GRM8: variants seen among roughly 807,000 people sequenced by gnomAD.
GRM8 encodes glutamate metabotropic receptor 8.
In GRM8, 47 loss-of-function variants were observed where a neutral mutation model predicts 87.2. The ratio of observed to expected loss-of-function variants is 0.54; its 90% CI spans 0.43 to 0.69. The LOEUF is 0.69. Among genes scored for constraint, GRM8 ranks in the 30% least tolerant of loss-of-function variants. The pLI, the probability that GRM8 is intolerant of heterozygous loss-of-function variation, is 0.00. For missense variants in GRM8, 1,019 were observed against 1,139.2 expected (o/e 0.89, Z 1.52); for synonymous variants, 396 against 404.5 (o/e 0.98, Z 0.25).
intron 3 of GRM8, among the ~76,000 whole-genome samples, chr7:127,005,019 G>C (rs1450262940): frequency 6.6e-6 from 1 of 151,032 alleles, no homozygotes; most frequent in African/African-American, 2.4e-5. Context: ...AGAAGATAAA[G>C]AGGAAAAAAA....
chr7:126,594,899 C>T (rs1797017217), intron 8 of GRM8, among the ~76,000 whole-genome samples: 1 of 151,866 alleles, frequency 6.6e-6, no homozygotes, highest in Non-Finnish European at 1.5e-5. Context: ...ATCACTCTAC[C>T]CTGCTGTTCT....
intron 3 of GRM8, among the ~76,000 whole-genome samples, chr7:127,032,882 G>A (rs1179045878): frequency 6.6e-6 from 1 of 151,710 alleles, no homozygotes; most frequent in African/African-American, 2.4e-5. Flanking sequence ...ACTAAATGCT[G>A]AATTGAAAAG....
At chr7:126,615,013 A>G (rs1372445261) in intron 7 of GRM8, among the ~76,000 whole-genome samples, 1 of 152,182 alleles carries the variant, frequency 6.6e-6, no homozygotes, top group Non-Finnish European at 1.5e-5. Context: ...AAATTCAGGA[A>G]ATACAGAGAA....
intron 7 of GRM8, among the ~76,000 whole-genome samples, chr7:126,748,812 C>T (rs891997585): frequency 4.6e-5 from 7 of 151,980 alleles, no homozygotes; most frequent in African/African-American, 1.7e-4. Context: ...TAGAACAAGA[C>T]AGCAAATCCA....
intron 9 of GRM8, among the ~76,000 whole-genome samples, chr7:126,460,402 G>A (rs1478493306): frequency 2.0e-5 from 3 of 151,516 alleles, no homozygotes; most frequent in Non-Finnish European, 4.4e-5. Flanking sequence ...CAGCTTTCAG[G>A]AAAAGACAAA....
At chr7:126,688,006 T>TA (rs953788848) in intron 7 of GRM8, among the ~76,000 whole-genome samples, 33 of 152,202 alleles carry the variant, frequency 2.2e-4, no homozygotes, top group Non-Finnish European at 3.7e-4. Context: ...GTAGGCTTTT[T>TA]AAAAAAATAG....
At chr7:126,940,677 A>G (rs544055532) in intron 3 of GRM8, among the ~76,000 whole-genome samples, 2 of 152,202 alleles carry the variant, frequency 1.3e-5, no homozygotes, top group South Asian at 2.1e-4. Flanking sequence ...GTAACCTCAT[A>G]TAGGCACAGA....
chr7:127,077,657 G>A (rs988358853), intron 3 of GRM8, among the ~76,000 whole-genome samples: 5 of 152,162 alleles, frequency 3.3e-5, no homozygotes, highest in Non-Finnish European at 5.9e-5. Flanking sequence ...AAACCACTTC[G>A]AACTGACCAG....
At chr7:126,969,826 AT>A in intron 3 of GRM8, among the ~76,000 whole-genome samples, 1 of 152,190 alleles carries the variant, frequency 6.6e-6, no homozygotes, top group Admixed American at 6.5e-5. Flanking sequence ...CCTTAAAAAA[AT>A]GTATTTCCTA....
At chr7:126,948,246 A>G (rs1586563636) in intron 3 of GRM8, among the ~76,000 whole-genome samples, 1 of 152,064 alleles carries the variant, frequency 6.6e-6, no homozygotes, top group Non-Finnish European at 1.5e-5. Context: ...CTTACTCTGC[A>G]TGAAGAGACA....
At chr7:126,595,991 G>C (rs762607440) in intron 8 of GRM8, among the ~76,000 whole-genome samples, 27 of 152,136 alleles carry the variant, frequency 1.8e-4, no homozygotes, top group Non-Finnish European at 3.8e-4. Flanking sequence ...ACAAATATCA[G>C]ATGGGTGTGG....
intron 9 of GRM8, among the ~76,000 whole-genome samples, chr7:126,477,364 A>C (rs1806043008): frequency 6.6e-6 from 1 of 152,038 alleles, no homozygotes; most frequent in African/African-American, 2.4e-5. Context: ...TTAAGAGAGT[A>C]GATCTTAAGT....
intron 5 of GRM8, among the ~76,000 whole-genome samples, chr7:126,902,960 C>T (rs1024169556): frequency 6.6e-6 from 1 of 152,150 alleles, no homozygotes; most frequent in African/African-American, 2.4e-5. Context: ...CTTAAACCCT[C>T]TCCTACTCTA....
At chr7:127,169,766 A>C (rs1793680060) in intron 2 of GRM8, among the ~76,000 whole-genome samples, 2 of 152,234 alleles carry the variant, frequency 1.3e-5, no homozygotes, top group African/African-American at 4.8e-5. Flanking sequence ...AATGATGTTA[A>C]ATCTACATTG....
At chr7:126,821,788 G>C (rs1160610821) in intron 6 of GRM8, among the ~76,000 whole-genome samples, 2 of 152,096 alleles carry the variant, frequency 1.3e-5, no homozygotes, top group Admixed American at 1.3e-4. Context: ...TATCATCAGT[G>C]CAATACTATA....
At chr7:126,505,929 A>AT (rs1293606253) in intron 9 of GRM8, among the ~76,000 whole-genome samples, 3 of 152,030 alleles carry the variant, frequency 2.0e-5, no homozygotes, top group African/African-American at 7.2e-5. Flanking sequence ...CATGCTGTAC[A>AT]TTAGGGGTCA....
chr7:126,648,690 C>A (rs1803450028), intron 7 of GRM8, among the ~76,000 whole-genome samples: 1 of 152,160 alleles, frequency 6.6e-6, no homozygotes, highest in Admixed American at 6.6e-5. Context: ...CTGATAGATA[C>A]CAACAAGTTG....
intron 3 of GRM8, among the ~76,000 whole-genome samples, chr7:127,017,244 A>T (rs1458452874): frequency 1.3e-5 from 2 of 152,090 alleles, no homozygotes; most frequent in African/African-American, 2.4e-5. Flanking sequence ...AAGTTCTCTT[A>T]AATTTTACTA....
chr7:127,002,501 C>T (rs1259409468), intron 3 of GRM8, among the ~76,000 whole-genome samples: 7 of 151,666 alleles, frequency 4.6e-5, no homozygotes, highest in Admixed American at 4.6e-4. Context: ...ACATCTTCCT[C>T]CTAAAAGATG....
Sources: allele counts gnomAD v4.1 joint callset (sites outside exome capture counted in the v4.1 genomes callset), GRCh38; gene constraint gnomAD v4.1.1; transcripts MANE v1.5; gene names NCBI Gene and HGNC (gene_info 2026-07-23, HGNC 2026-07-21).